MROH9: variants seen among roughly 807,000 people sequenced by gnomAD.
MROH9 encodes maestro heat-like repeat-containing protein family member 9.
In MROH9, 92 loss-of-function variants were observed where a neutral mutation model predicts 98.2. The observed-to-expected ratio is 0.94, with a 90% CI of 0.79 to 1.11. MROH9 has a LOEUF of 1.11. Among genes scored for constraint, MROH9 ranks in the 50% most tolerant of loss-of-function variants. The pLI, the probability that MROH9 is intolerant of heterozygous loss-of-function variation, is 0.00. For missense variants in MROH9, 1,057 were observed against 1,014.8 expected, an observed-to-expected ratio of 1.04 and a Z score of -0.57; for synonymous variants, 397 against 368.9, an observed-to-expected ratio of 1.08 and a Z score of -0.87.
At chr1:171,044,403 A>C (rs1282803783) in intron 20 of MROH9, among the ~76,000 whole-genome samples, 1 of 152,148 alleles carries the variant, frequency 6.6e-6, no homozygotes, top group Non-Finnish European at 1.5e-5. Flanking sequence ...TATTCATCAG[A>C]GATACTGGCC....
intron 10 of MROH9, among the ~76,000 whole-genome samples, chr1:170,989,330 A>T (rs1348984495): frequency 6.6e-6 from 1 of 152,154 alleles, no homozygotes; most frequent in Non-Finnish European, 1.5e-5. Context: ...ATGAGTAAAA[A>T]GGGGGAAAAA....
In MROH9 at chr1:170,952,771, TA is replaced by T. The variant is rs955178987; in HGVS notation, c.72+5205del. Among the ~76,000 whole-genome samples the T allele has an allele frequency of 1.1e-3, 170 of 148,864 alleles. 1 individual carries two copies. Among genetic ancestry groups the T allele is most frequent in the African/African-American group, 4.0e-3 (163 of 40,894 alleles). On this transcript the variant is annotated intron_variant, in intron 3 of 21. Coordinates refer to ENST00000367759, the MANE Select transcript of MROH9 (RefSeq NM_001163629.2). ...TAATAAAAAATATATATATATATAT[TA>T]AAAAAAGAAGCATTAGCAACAGTAT...
In MROH9 at chr1:171,006,600, C is replaced by T. The variant is rs183368464; in HGVS notation, c.1597-7517C>T. 9.2e-5 allele frequency among the ~76,000 whole-genome samples: 14 copies of T among 151,888 alleles called. 1 individual carries two copies. In the East Asian group the frequency reaches 2.7e-3, roughly 29 times the overall value. ...GTCTGAATCTTGTGAGGGTTATAGA[C>T]ATCTAGATTCATATATTTAATAGTG... is the stretch of plus-strand genomic sequence containing the variant. On this transcript the variant is annotated intron_variant, in intron 15 of 21. Transcript: ENST00000367759.
intron 8 of MROH9, among the ~76,000 whole-genome samples, chr1:170,972,830 A>ACACACACT (rs1650518907): frequency 1.1e-4 from 1 of 9,438 alleles, no homozygotes; most frequent in East Asian, 2.2e-3. Context: ...AAAAAAAAAT[A>ACACACACT]CACACACACA....
chr1:170,984,771 T>A (rs1651065989), intron 9 of MROH9, among the ~76,000 whole-genome samples: 1 of 152,148 alleles, frequency 6.6e-6, no homozygotes, highest in Non-Finnish European at 1.5e-5. Flanking sequence ...GTTATTCATT[T>A]CCCAATTGTG....
intron 20 of MROH9, among the ~76,000 whole-genome samples, chr1:171,035,272 G>A (rs561092251): frequency 9.3e-5 from 14 of 151,164 alleles, no homozygotes; most frequent in East Asian, 7.8e-4. Context: ...AAAATAAAAC[G>A]TACAAAAAAT....
chr1:170,957,246 G>A (rs113844287), intron 3 of MROH9, among the ~76,000 whole-genome samples: 55 of 151,800 alleles, frequency 3.6e-4, no homozygotes, highest in Non-Finnish European at 5.7e-4. Context: ...AATCTTCACC[G>A]AAACTAATGT....
chr1:171,024,148 C>A (rs1464502875), intron 17 of MROH9, among the ~76,000 whole-genome samples: 2 of 152,012 alleles, frequency 1.3e-5, no homozygotes, highest in Non-Finnish European at 2.9e-5. Context: ...AATTCCATAT[C>A]TTGGCTATTG....
chr1:170,975,194 C>G lies in MROH9; in HGVS notation c.616+3311C>G, dbSNP rs1350692111. On this transcript the variant is annotated intron_variant, in intron 8 of 21. Transcript: ENST00000367759. Reference sequence around the variant, plus strand: ...GCAGATTGTCAGACTGAATAAAAAGCAAGCCTCAACTATATGCTGCCTACA... The same window carrying G: ...GCAGATTGTCAGACTGAATAAAAAGGAAGCCTCAACTATATGCTGCCTACA... Among the ~76,000 whole-genome samples the G allele has an allele frequency of 2.6e-5, 4 of 152,024 alleles. No homozygotes were observed. In the South Asian group the frequency reaches 6.2e-4, roughly 24 times the overall value.
chr1:171,008,730 G>T (rs1477162187), intron 15 of MROH9, among the ~76,000 whole-genome samples: 1 of 152,154 alleles, frequency 6.6e-6, no homozygotes, highest in Non-Finnish European at 1.5e-5. Flanking sequence ...AATAATCAGT[G>T]CATTCCAGCT....
chr1:171,037,997 A>T (rs1255572734), intron 20 of MROH9, among the ~76,000 whole-genome samples: 12 of 152,040 alleles, frequency 7.9e-5, no homozygotes, highest in Non-Finnish European at 4.4e-5. Flanking sequence ...ATCAAATTAA[A>T]TAATTTGGAA....
chr1:170,982,539 G>A (rs911806071), intron 8 of MROH9, among the ~76,000 whole-genome samples: 6 of 151,974 alleles, frequency 3.9e-5, no homozygotes, highest in African/African-American at 1.4e-4. Context: ...TTTTTCCTGT[G>A]GTAATGTTTT....
intron 20 of MROH9, among the ~76,000 whole-genome samples, chr1:171,054,716 A>G (rs1014163140): frequency 6.6e-6 from 1 of 152,220 alleles, no homozygotes. Flanking sequence ...AATTCTCAAA[A>G]GAAAATATAC....
intron 20 of MROH9, among the ~76,000 whole-genome samples, chr1:171,051,537 A>G (rs1427676529): frequency 6.6e-6 from 1 of 152,150 alleles, no homozygotes; most frequent in Admixed American, 6.5e-5. Context: ...GAGCTGAACA[A>G]TGAGAACACA....
intron 19 of MROH9, 104 bp downstream of exon 19, chr1:171,024,869 G>A (rs1474349507): frequency 9.2e-6 from 6 of 653,090 alleles, no homozygotes; most frequent in Admixed American, 3.1e-5. Context: ...GATCTTGGAG[G>A]AAAAAAATGG....
Position 171,062,286 on chromosome 1 carries a change from G to A in MROH9, c.2344+92G>A, listed in dbSNP as rs1006078778. The A allele has an allele frequency of 4.2e-5, 36 of 861,724 alleles. No homozygotes were observed. In the Admixed American group the frequency reaches 8.5e-4, roughly 20 times the overall value. The allele number at this position is 861,724 out of a possible 1,614,324, so 53.4% of individuals were successfully genotyped here. ...AGTCACATATGAGTTCTGTTAGAGT[G>A]CCAGGCCAGACAGGAAGAGGGTGGT... is the stretch of plus-strand genomic sequence containing the variant. On this transcript the variant is annotated intron_variant, in intron 21 of 21. Coordinates refer to ENST00000367759, the MANE Select transcript of MROH9 (RefSeq NM_001163629.2).
At chr1:171,003,441 G>A (rs1557894052) in intron 15 of MROH9, among the ~76,000 whole-genome samples, 1 of 152,196 alleles carries the variant, frequency 6.6e-6, no homozygotes, top group Non-Finnish European at 1.5e-5. Context: ...GTGTTCCCTT[G>A]ATGTAGTACT....
In MROH9 at chr1:171,024,562, C is replaced by T. The variant is rs1369259538; in HGVS notation, c.2061+15C>T. 6.6e-7 allele frequency: 1 copy of T among 1,523,572 alleles called. No individual in the cohort carries two copies. Among genetic ancestry groups the T allele is most frequent in the Non-Finnish European group, 8.8e-7 (1 of 1,135,146 alleles). The allele number at this position is 1,523,572 out of a possible 1,614,324, so 94.4% of individuals were successfully genotyped here. A position where few individuals can be genotyped will look rare whatever the true frequency, so the allele number is the denominator to read the frequency against. ...GAGTAGCTGAAGTAAGTCATTTGAT[C>T]TTCTTTTTCATAAATTTACCAAGGA... On this transcript the variant is annotated intron_variant, in intron 18 of 21. Transcript: ENST00000367759.
At chr1:170,975,909 C>T (rs1367411873) in intron 8 of MROH9, among the ~76,000 whole-genome samples, 1 of 152,060 alleles carries the variant, frequency 6.6e-6, no homozygotes, top group Non-Finnish European at 1.5e-5. Flanking sequence ...TGTAAATGCC[C>T]TTTTTTGTCT....
Sources: allele counts gnomAD v4.1 joint callset (sites outside exome capture counted in the v4.1 genomes callset), GRCh38; gene constraint gnomAD v4.1.1; transcripts MANE v1.5; gene names NCBI Gene and HGNC (gene_info 2026-07-23, HGNC 2026-07-21).